The following RBFOX2 variants were observed in gnomAD, a reference collection of about 807,000 sequenced individuals.
RBFOX2 encodes RNA binding protein fox-1 homolog 2.
RBFOX2 carries 10 observed loss-of-function variants against 49.1 expected under a neutral mutation model. That is an observed-to-expected ratio of 0.20 (90% CI 0.13 to 0.35). The LOEUF (loss-of-function observed/expected upper bound fraction) is 0.35. Among genes scored for constraint, RBFOX2 ranks in the 10% least tolerant of loss-of-function variants. The pLI is 1.00. For synonymous variants in RBFOX2, 183 were observed against 187.4 expected (o/e 0.98, Z 0.19); for missense variants, 323 against 486.9 (o/e 0.66, Z 3.17).
At chr22:35,913,877 T>C (rs1170703909) in intron 1 of RBFOX2, among the ~76,000 whole-genome samples, 11 of 152,040 alleles carry the variant, frequency 7.2e-5, no homozygotes, top group Non-Finnish European at 1.5e-4. Flanking sequence ...TGGGCAGAGC[T>C]GGCTATAAAG....
upstream of RBFOX2, among the ~76,000 whole-genome samples, chr22:35,841,418 A>C (rs1424424959): frequency 6.6e-6 from 1 of 152,176 alleles, no homozygotes; most frequent in Non-Finnish European, 1.5e-5. Context: ...GGTTCAGTCC[A>C]GAAGTTGGTC....
At chr22:35,771,091 G>C (rs1408491811) in intron 4 of RBFOX2, among the ~76,000 whole-genome samples, 1 of 152,094 alleles carries the variant, frequency 6.6e-6, no homozygotes, top group Non-Finnish European at 1.5e-5. Context: ...CCAAATAATG[G>C]CTTCCCAAAG....
chr22:35,744,196 C>CA lies in RBFOX2; in HGVS notation c.1102dup (p.Ter368LeufsTer13). 6.2e-7 allele frequency: 1 copy of CA among 1,608,726 alleles called. No individual in the cohort carries two copies. Among genetic ancestry groups the CA allele is most frequent in the Non-Finnish European group, 8.5e-7 (1 of 1,177,458 alleles). On this transcript the variant is annotated frameshift_variant and stop_lost, in exon 12 of 12. Transcript: ENST00000405409. LOFTEE classifies it high-confidence loss of function. ...GGGGCTGTCCCATTTGCAGGGGTCT[C>CA]ACGTCACTTCAGTAGGGGGCAAATC...
At chr22:35,846,747 C>T (rs918983303) in intron 1 of RBFOX2, among the ~76,000 whole-genome samples, 6 of 152,052 alleles carry the variant, frequency 3.9e-5, no homozygotes, top group African/African-American at 1.4e-4. Flanking sequence ...AAGAAAGAAA[C>T]TCTGTTTCAA....
At chr22:35,783,388 G>A (rs1330057631) in intron 2 of RBFOX2, among the ~76,000 whole-genome samples, 1 of 149,508 alleles carries the variant, frequency 6.7e-6, no homozygotes. Context: ...CCACACTCAA[G>A]TTTTAAGTGA....
chr22:35,898,610 TA>T (rs544244809), intron 1 of RBFOX2, among the ~76,000 whole-genome samples: 1,618 of 151,818 alleles, frequency 0.011, 17 homozygotes, highest in Non-Finnish European at 0.015. Context: ...GTATTTTTGG[TA>T]GAAACGGGGT....
At chr22:35,776,970 T>G (rs550964678) in intron 4 of RBFOX2, among the ~76,000 whole-genome samples, 1 of 152,262 alleles carries the variant, frequency 6.6e-6, no homozygotes, top group South Asian at 2.1e-4. Context: ...ATGGAAATTC[T>G]AAATCATACA....
At chr22:35,913,704 T>C (rs1356188635) in intron 1 of RBFOX2, among the ~76,000 whole-genome samples, 1 of 151,876 alleles carries the variant, frequency 6.6e-6, no homozygotes, top group East Asian at 1.9e-4. Context: ...CCCAATATTG[T>C]AGTATCTATG....
chr22:35,862,314 A>C (rs1427754634), intron 1 of RBFOX2, among the ~76,000 whole-genome samples: 1 of 151,864 alleles, frequency 6.6e-6, no homozygotes, highest in Non-Finnish European at 1.5e-5. Flanking sequence ...TAAAAAATTA[A>C]AATAATGAAT....
chr22:35,824,106 G>A (rs902860674), intron 1 of RBFOX2, among the ~76,000 whole-genome samples: 9 of 151,758 alleles, frequency 5.9e-5, no homozygotes, highest in South Asian at 2.1e-4. Context: ...CCGAGATCGC[G>A]CTATTGCACT....
At chr22:35,971,148 C>A (rs1239049158) in intron 1 of RBFOX2, among the ~76,000 whole-genome samples, 2 of 152,036 alleles carry the variant, frequency 1.3e-5, no homozygotes, top group African/African-American at 2.4e-5. Context: ...AAATTCAAGC[C>A]CACGTCAGAG....
At chr22:35,997,298 A>C (rs1358252755) in intron 1 of RBFOX2, 2 of 152,202 alleles carry the variant, frequency 1.3e-5, no homozygotes, top group African/African-American at 4.8e-5. Flanking sequence ...CAGCCAAACC[A>C]TACATGAGAA....
At chr22:36,026,444 A>G (rs2059436312) in intron 1 of RBFOX2, among the ~76,000 whole-genome samples, 2 of 152,072 alleles carry the variant, frequency 1.3e-5, no homozygotes, top group Non-Finnish European at 2.9e-5. Flanking sequence ...AGCCAGTTTG[A>G]AGGCAACCAA....
Position 35,749,710 on chromosome 22 carries a change from T to A in RBFOX2, c.888-3149A>T, listed in dbSNP as rs1407239712. Reference sequence around the variant, plus strand: ...TTACTAGCAAATCTAAAGGCTTTTATAAAACATGAGAACAAAGTGCAGTTT... The same window carrying A: ...TTACTAGCAAATCTAAAGGCTTTTAAAAAACATGAGAACAAAGTGCAGTTT... On this transcript the variant is annotated intron_variant, in intron 9 of 11. Transcript: ENST00000405409. This position sits in a 1 kb window ranked among gnomAD's most constrained non-coding sequence, Gnocchi z 4.1. Among the ~76,000 whole-genome samples the A allele has an allele frequency of 6.6e-6, 1 of 152,218 alleles. No homozygotes were observed. Among genetic ancestry groups the A allele is most frequent in the African/African-American group, 2.4e-5 (1 of 41,458 alleles).
At chr22:35,973,868 T>C (rs1391100308) in intron 1 of RBFOX2, among the ~76,000 whole-genome samples, 1 of 152,190 alleles carries the variant, frequency 6.6e-6, no homozygotes. Flanking sequence ...GACCACCTTG[T>C]GGGCAGGCTC....
At chr22:35,873,174 T>A (rs760245613) in intron 1 of RBFOX2, among the ~76,000 whole-genome samples, 9 of 152,220 alleles carry the variant, frequency 5.9e-5, no homozygotes, top group Non-Finnish European at 1.2e-4. Context: ...ACAGTCTTGC[T>A]GTCACCTAGT....
intron 1 of RBFOX2, among the ~76,000 whole-genome samples, chr22:35,898,803 G>A (rs867157505): frequency 2.0e-5 from 3 of 152,054 alleles, no homozygotes; most frequent in African/African-American, 2.4e-5. Flanking sequence ...TAATTTTATA[G>A]TGTTATCTTT....
At chr22:35,769,324 T>C (rs1026993901) in intron 4 of RBFOX2, among the ~76,000 whole-genome samples, 5 of 152,190 alleles carry the variant, frequency 3.3e-5, no homozygotes, top group African/African-American at 1.2e-4. Flanking sequence ...TTAATTTGTT[T>C]GTTCCTTGCA....
intron 9 of RBFOX2, 125 bp downstream of exon 11, chr22:35,755,980 A>C: frequency 2.0e-6 from 1 of 491,992 alleles, no homozygotes; most frequent in Admixed American, 4.6e-5. Context: ...TATATCCACA[A>C]GGAAAAAGAA....
Sources: gnomAD v4.1 joint callset for allele counts (sites outside exome capture counted in the v4.1 genomes callset) on GRCh38, gnomAD v4.1.1 for gene constraint, Gnocchi (gnomAD v3.1) non-coding constraint, MANE v1.5 for transcripts, NCBI Gene and HGNC (gene_info 2026-07-23, HGNC 2026-07-21) for gene names.